PCDHGA8: variants seen among roughly 807,000 people sequenced by gnomAD.
PCDHGA8 encodes the protein protocadherin gamma-A8.
A neutral mutation model predicts 59.2 loss-of-function variants in PCDHGA8; 45 were observed. That is an observed-to-expected ratio of 0.76 (90% CI 0.60 to 0.98). The LOEUF (loss-of-function observed/expected upper bound fraction) is 0.98. Among genes scored for constraint, PCDHGA8 ranks in the 50% least tolerant of loss-of-function variants. The pLI is 0.00. For synonymous variants in PCDHGA8, 531 were observed against 519.0 expected (o/e 1.02, Z -0.32); for missense variants, 1,257 against 1,196.2 (o/e 1.05, Z -0.75).
At chr5:141,414,748 G>A in intron 1 of PCDHGA8, 5 of 1,614,182 alleles carry the variant, frequency 3.1e-6, no homozygotes, top group Non-Finnish European at 4.2e-6. Context: ...CAGATCCTTC[G>A]ACTATGAGCA....
intron 1 of PCDHGA8, chr5:141,427,571 G>T (rs1199845374): frequency 9.1e-6 from 6 of 662,944 alleles, no homozygotes; most frequent in Non-Finnish European, 1.7e-5. Context: ...GCAAGCCTCC[G>T]CTCTCATCCA....
At chr5:141,400,261 C>G in intron 1 of PCDHGA8, 1 of 1,614,058 alleles carries the variant, frequency 6.2e-7, no homozygotes. Context: ...CTTGCGCCTG[C>G]GACGCTCCTC....
rs765924046 is a variant in PCDHGA8, at chr5:141,393,342, C to T, written c.529C>T (p.His177Tyr). ...GAGCTACCAGCTCAGCCCCAATCACCACTTCTCCCTGGACGTGCAGACTGG... is the reference window on the plus strand; with the variant it reads ...GAGCTACCAGCTCAGCCCCAATCACTACTTCTCCCTGGACGTGCAGACTGG... ...LQSYQLSPNHHFSLDVQTGDN... is the reference protein window; with the variant it reads ...LQSYQLSPNHYFSLDVQTGDN... Residue 177 changes from histidine to tyrosine, a missense_variant, in exon 1 of 4, where the codon CAC becomes TAC. Coordinates refer to ENST00000398604, the MANE Select transcript of PCDHGA8 (RefSeq NM_032088.2). 6.2e-7 allele frequency: 1 copy of T among 1,613,944 alleles called. No homozygotes were observed. The highest frequency in any genetic ancestry group is 1.7e-5 in the Admixed American group (1 of 60,024).
chr5:141,503,713 C>T (rs867005984), intron 2 of PCDHGA8, among the ~76,000 whole-genome samples: 6 of 152,134 alleles, frequency 3.9e-5, no homozygotes, highest in Non-Finnish European at 8.8e-5. Context: ...TCCCCTTCAA[C>T]CCTAGCTTTA....
intron 1 of PCDHGA8, among the ~76,000 whole-genome samples, chr5:141,483,875 AT>A (rs2154580008): frequency 6.6e-6 from 1 of 151,964 alleles, no homozygotes; most frequent in Admixed American, 6.6e-5. Context: ...ATCAGGATGG[AT>A]TTTTCTATTT....
intron 1 of PCDHGA8, among the ~76,000 whole-genome samples, chr5:141,488,289 TAAGTGAA>T (rs1389982829): frequency 6.6e-6 from 1 of 152,186 alleles, no homozygotes; most frequent in Non-Finnish European, 1.5e-5. Context: ...GAAAAAACAG[TAAGTGAA>T]ATCACTTATG....
chr5:141,457,273 G>A (rs746102734), intron 1 of PCDHGA8, among the ~76,000 whole-genome samples: 7 of 152,144 alleles, frequency 4.6e-5, no homozygotes, highest in Admixed American at 1.3e-4. Context: ...CCCTCTGTGG[G>A]CCTACGAAGT....
At position 141,490,646 on chromosome 5, in the gene PCDHGA8, C is replaced by G. The variant is rs202183643; in HGVS notation, c.2425-4161C>G. The G allele has an allele frequency of 8.7e-6, 14 of 1,614,068 alleles. No homozygotes were observed. In the African/African-American group the frequency reaches 1.7e-4, roughly 20 times the overall value. ...GCTTACATCCTAGAAAACCGGCCTC[C>G]GGGCTCCCTTCTTTGCACTGTGGCT... On this transcript the variant is annotated intron_variant, in intron 1 of 3. Coordinates refer to ENST00000398604, the MANE Select transcript of PCDHGA8 (RefSeq NM_032088.2). This position sits in a 1 kb window ranked among gnomAD's most constrained non-coding sequence, Gnocchi z 5.4.
Position 141,477,468 on chromosome 5 carries a change from A to G in PCDHGA8, c.2425-17339A>G. ...GTGCGTGTTCAAGTGTCCGACATCA[A>G]TGACAACCCTCCACAATCTTCTCAA... is the stretch of plus-strand genomic sequence containing the variant. On this transcript the variant is annotated intron_variant, in intron 1 of 3. Transcript: ENST00000398604. This position sits in a 1 kb window ranked among gnomAD's most constrained non-coding sequence, Gnocchi z 4.9. 6.2e-7 allele frequency: 1 copy of G among 1,614,158 alleles called. No homozygotes were observed. Among genetic ancestry groups the G allele is most frequent in the Non-Finnish European group, 8.5e-7 (1 of 1,180,022 alleles).
Position 141,394,821 on chromosome 5 carries a change from G to C in PCDHGA8, c.2008G>C (p.Glu670Gln), listed in dbSNP as rs2093106496. 4 of 1,613,862 alleles carry C rather than the reference G, an allele frequency of 2.5e-6. No individual in the cohort carries two copies. The highest frequency in any genetic ancestry group is 1.6e-4 in the Middle Eastern group (1 of 6,062). The change falls in exon 1 of 4, where the codon GAA becomes CAA. Residue 670 changes from glutamate (E) to glutamine (Q), a missense_variant. Transcript: ENST00000398604. ...CGTAGCCGTGGCTGACAGCATCCCC[G>C]AAGTCCTGACCGAGTTGGGCAGTCT... ...LTVAVADSIP[E>Q]VLTELGSLKP...
chr5:141,418,370 C>G (rs910813828), intron 1 of PCDHGA8: 1 of 1,613,822 alleles, frequency 6.2e-7, no homozygotes, highest in African/African-American at 1.3e-5. Flanking sequence ...GAGCAAATAC[C>G]AACTAAGTCC....
chr5:141,421,731 C>A (rs73792198), intron 1 of PCDHGA8: 144,261 of 1,613,668 alleles, frequency 0.089, 7,407 homozygotes, highest in African/African-American at 0.18. Flanking sequence ...TGAACTCCCT[C>A]CAGAGCTACC....
At chr5:141,452,193 GT>G (rs1375451557) in intron 1 of PCDHGA8, among the ~76,000 whole-genome samples, 1 of 151,990 alleles carries the variant, frequency 6.6e-6, no homozygotes, top group Non-Finnish European at 1.5e-5. Context: ...ACCTCAAATT[GT>G]TTTAGATGTT....
rs1205836590 is a variant in PCDHGA8 at position 141,476,270 on chromosome 5, G to A, written c.2425-18537G>A. The A allele has an allele frequency of 6.2e-7, 1 of 1,614,088 alleles. No individual in the cohort carries two copies. Among genetic ancestry groups the A allele is most frequent in the Admixed American group, 1.7e-5 (1 of 60,026 alleles). Reference sequence around the variant, plus strand: ...GGGTTTCGCTGTGGGCAACGTGGTCGCGAACCTTGGTTTGGATCTCGGTAG... The same window carrying A: ...GGGTTTCGCTGTGGGCAACGTGGTCACGAACCTTGGTTTGGATCTCGGTAG... On this transcript the variant is annotated intron_variant, in intron 1 of 3. Transcript: ENST00000398604. The surrounding 1 kb of genome is among the most constrained non-coding windows in gnomAD (Gnocchi z 7.6).
chr5:141,428,040 G>T, intron 1 of PCDHGA8: 1 of 1,608,668 alleles, frequency 6.2e-7, no homozygotes, highest in Non-Finnish European at 8.5e-7. Flanking sequence ...CGGCTACCTG[G>T]TGACCAAGGT....
chr5:141,428,001 T>C (rs149531447), intron 1 of PCDHGA8: 1 of 1,601,704 alleles, frequency 6.2e-7, no homozygotes, highest in Admixed American at 1.7e-5. Flanking sequence ...CTCCGCACTC[T>C]TCGATATAGT....
Position 141,489,765 on chromosome 5 carries a change from C to A in PCDHGA8, c.2425-5042C>A. On this transcript the variant is annotated intron_variant, in intron 1 of 3. Transcript: ENST00000398604. The surrounding 1 kb of genome is among the most constrained non-coding windows in gnomAD (Gnocchi z 4.5). ...TGAGCTTTTACACTCTAAGCCCCAA[C>A]AGCCACTTCTCTCTGAATGTGAAGA... 2.5e-6 allele frequency: 4 copies of A among 1,614,174 alleles called. No individual in the cohort carries two copies. The highest frequency in any genetic ancestry group is 3.4e-6 in the Non-Finnish European group (4 of 1,179,992).
chr5:141,399,112 G>A, intron 1 of PCDHGA8: 1 of 1,613,794 alleles, frequency 6.2e-7, no homozygotes, highest in African/African-American at 1.3e-5. Context: ...ACAATGTACA[G>A]TTGAAATTAA....
chr5:141,416,791 G>C (rs1389798483), intron 1 of PCDHGA8: 1 of 152,166 alleles, frequency 6.6e-6, no homozygotes, highest in Non-Finnish European at 1.5e-5. Flanking sequence ...TCTACTAAAT[G>C]TGGTAGTATA....
Sources: gnomAD v4.1 joint callset for allele counts (sites outside exome capture counted in the v4.1 genomes callset) on GRCh38, gnomAD v4.1.1 for gene constraint, Gnocchi (gnomAD v3.1) non-coding constraint, MANE v1.5 for transcripts, NCBI Gene and HGNC (gene_info 2026-07-23, HGNC 2026-07-21) for gene names.